UBASH3B: variants seen among roughly 807,000 people sequenced by gnomAD.
The protein encoded by UBASH3B is ubiquitin-associated and SH3 domain-containing protein B.
Under a neutral mutation model 83.4 loss-of-function variants are expected in UBASH3B, and 37 were observed. The observed-to-expected ratio is 0.44, with a 90% confidence interval of 0.34 to 0.58. UBASH3B has a LOEUF of 0.58. Ranked by LOEUF, UBASH3B falls within the 20% of genes least tolerant of loss-of-function variation. The pLI is 0.01. For synonymous variants in UBASH3B, 304 were observed against 318.3 expected, an observed-to-expected ratio of 0.96 and a Z score of 0.48; for missense variants, 657 against 827.2, an observed-to-expected ratio of 0.79 and a Z score of 2.52.
intron 1 of UBASH3B, among the ~76,000 whole-genome samples, chr11:122,667,672 T>C (rs1470222430): frequency 6.6e-6 from 1 of 152,220 alleles, no homozygotes; most frequent in Non-Finnish European, 1.5e-5. Flanking sequence ...GGAAAAATTC[T>C]GGGAAGGCCA....
chr11:122,799,147 T>C, intron 10 of UBASH3B, 113 bp downstream of exon 10: 1 of 875,532 alleles, frequency 1.1e-6, no homozygotes, highest in Admixed American at 2.3e-5. Context: ...GCTTTGAATC[T>C]GGAATGAAGC....
At chr11:122,785,355 CCTT>C (rs1860928991) in intron 5 of UBASH3B, among the ~76,000 whole-genome samples, 1 of 152,212 alleles carries the variant, frequency 6.6e-6, no homozygotes, top group Non-Finnish European at 1.5e-5. Context: ...TTCTTGCCTG[CCTT>C]CTTCAACATG....
chr11:122,705,445 C>T (rs559469546), intron 1 of UBASH3B, among the ~76,000 whole-genome samples: 5 of 131,786 alleles, frequency 3.8e-5, no homozygotes, highest in South Asian at 4.8e-4. Context: ...GACTCTGTCT[C>T]GAAAAACATA....
chr11:122,767,712 A>G (rs1287153899), intron 1 of UBASH3B, among the ~76,000 whole-genome samples: 1 of 152,206 alleles, frequency 6.6e-6, no homozygotes, highest in Non-Finnish European at 1.5e-5. Flanking sequence ...CACACAGCAC[A>G]GAGGACTAAG....
rs573195257 is a variant in UBASH3B at position 122,703,202 on chromosome 11, C to T, written c.161+46992C>T. On this transcript the variant is annotated intron_variant, in intron 1 of 13. Transcript: ENST00000284273. ...CAGCACTTTGGGAGGCTGAGGTGGGCGGATCACGAGGTCGGGAGATTGAGA... is the reference window on the plus strand; with the variant it reads ...CAGCACTTTGGGAGGCTGAGGTGGGTGGATCACGAGGTCGGGAGATTGAGA... Among the ~76,000 whole-genome samples the T allele has an allele frequency of 5.5e-4, 83 of 152,036 alleles. 1 individual carries two copies. The highest frequency in any genetic ancestry group is 1.7e-3 in the African/African-American group (72 of 41,502).
intron 1 of UBASH3B, among the ~76,000 whole-genome samples, chr11:122,693,136 G>T (rs981669980): frequency 1.3e-5 from 2 of 152,140 alleles, no homozygotes; most frequent in African/African-American, 4.8e-5. Flanking sequence ...CCTTCTCAAG[G>T]GTGGGGAGAA....
intron 1 of UBASH3B, among the ~76,000 whole-genome samples, chr11:122,726,687 TC>T (rs1257789910): frequency 1.3e-4 from 20 of 152,242 alleles, no homozygotes; most frequent in African/African-American, 4.8e-4. Context: ...CATAGATTCT[TC>T]CTGTTTTCCC....
chr11:122,745,206 A>G lies in UBASH3B; in HGVS notation c.162-31013A>G, dbSNP rs191736649. Among the ~76,000 whole-genome samples, 487 of 152,298 alleles carry G rather than the reference A, an allele frequency of 3.2e-3. 5 individuals carry two copies. The highest frequency in any genetic ancestry group is 0.011 in the African/African-American group (459 of 41,556). ...AAACAAATAATTTCTTACCACTCCA[A>G]AAATGCATTCCTGAGAAACTGGATC... On this transcript the variant is annotated intron_variant, in intron 1 of 13. Coordinates refer to ENST00000284273, the MANE Select transcript of UBASH3B (RefSeq NM_032873.5).
intron 1 of UBASH3B, among the ~76,000 whole-genome samples, chr11:122,659,593 A>T (rs894466253): frequency 2.6e-5 from 4 of 152,230 alleles, no homozygotes; most frequent in Non-Finnish European, 5.9e-5. Context: ...AGAAAGAGCA[A>T]GGGCATCGGG....
At chr11:122,773,952 G>C in intron 1 of UBASH3B, 1 of 984,898 alleles carries the variant, frequency 1.0e-6, no homozygotes, top group Non-Finnish European at 1.2e-6. Flanking sequence ...TTTCCCAGTT[G>C]TTTTTGGAAC....
At chr11:122,740,734 AG>A (rs1861010607) in intron 1 of UBASH3B, among the ~76,000 whole-genome samples, 1 of 152,132 alleles carries the variant, frequency 6.6e-6, no homozygotes, top group Non-Finnish European at 1.5e-5. Context: ...GTGTGGGGCA[AG>A]GGGGCAAGCT....
intron 4 of UBASH3B, among the ~76,000 whole-genome samples, chr11:122,781,549 T>C (rs542096572): frequency 5.3e-5 from 8 of 152,332 alleles, no homozygotes; most frequent in African/African-American, 1.9e-4. Context: ...AAGATCCTGC[T>C]GTCATGAAGA....
In UBASH3B at chr11:122,782,776, G is replaced by C. The variant is rs1860877424; in HGVS notation, c.602-277G>C. Reference sequence around the variant, plus strand: ...TGGTGACCACCAACTGGAATGTTGTGAGAAGGACTTAACTAAAAGGACTGC... The same window carrying C: ...TGGTGACCACCAACTGGAATGTTGTCAGAAGGACTTAACTAAAAGGACTGC... On this transcript the variant is annotated intron_variant, in intron 4 of 13. Transcript: ENST00000284273. The C allele has an allele frequency of 8.8e-6, 3 of 341,536 alleles. No individual in the cohort carries two copies. The South Asian group carries it at 1.8e-4, about 20-fold the overall frequency. The allele number at this position is 341,536 out of a possible 1,614,324, so 21.2% of individuals were successfully genotyped here. A position where few individuals can be genotyped will look rare whatever the true frequency, so the allele number is the denominator to read the frequency against.
At chr11:122,755,426 G>A (rs936241388) in intron 1 of UBASH3B, among the ~76,000 whole-genome samples, 1 of 152,044 alleles carries the variant, frequency 6.6e-6, no homozygotes, top group Non-Finnish European at 1.5e-5. Context: ...TCAGGTTATC[G>A]CTTTGGCAAG....
intron 1 of UBASH3B, among the ~76,000 whole-genome samples, chr11:122,701,841 A>C (rs1461178665): frequency 6.6e-6 from 1 of 151,986 alleles, no homozygotes; most frequent in Non-Finnish European, 1.5e-5. Flanking sequence ...GAGCCCTCGT[A>C]CTGCCATGTT....
chr11:122,731,400 C>T (rs777375405), intron 1 of UBASH3B, among the ~76,000 whole-genome samples: 11 of 152,264 alleles, frequency 7.2e-5, no homozygotes, highest in South Asian at 4.1e-4. Flanking sequence ...TACGTCTTCT[C>T]TTTGGGGATA....
intron 1 of UBASH3B, among the ~76,000 whole-genome samples, chr11:122,673,541 C>G (rs1863627567): frequency 6.6e-6 from 1 of 152,162 alleles, no homozygotes; most frequent in African/African-American, 2.4e-5. Flanking sequence ...CGCCTGTAGT[C>G]CCAGCTACTC....
intron 1 of UBASH3B, among the ~76,000 whole-genome samples, chr11:122,694,299 T>C (rs1297871387): frequency 6.6e-6 from 1 of 152,160 alleles, no homozygotes; most frequent in Non-Finnish European, 1.5e-5. Context: ...TTTCCTTTTT[T>C]GTTTTGTTTT....
At chr11:122,783,018 C>A in intron 4 of UBASH3B, 35 bp from the exon 5 acceptor site, 4 of 1,597,804 alleles carry the variant, frequency 2.5e-6, no homozygotes, top group Non-Finnish European at 3.4e-6. Context: ...TCATCACCAC[C>A]TTTTAATTAC....
Sources: allele counts gnomAD v4.1 joint callset (sites outside exome capture counted in the v4.1 genomes callset), GRCh38; gene constraint gnomAD v4.1.1; transcripts MANE v1.5; gene names NCBI Gene and HGNC (gene_info 2026-07-23, HGNC 2026-07-21).